Variants in MSRA observed in about 807,000 individuals in gnomAD.
MSRA encodes methionine sulfoxide reductase A.
Under a neutral mutation model 31.3 loss-of-function variants are expected in MSRA, and 54 were observed. The ratio of observed to expected loss-of-function variants is 1.73; its 90% CI spans 1.39 to 2.17. MSRA has a LOEUF of 2.17. Ranked by LOEUF, MSRA falls within the 30% of genes most tolerant of loss-of-function variation. The pLI is 0.00. For synonymous variants in MSRA, 169 were observed against 116.5 expected (o/e 1.45, Z -2.90); for missense variants, 507 against 300.9 (o/e 1.69, Z -5.07).
intron 1 of MSRA, among the ~76,000 whole-genome samples, chr8:10,147,799 G>C (rs980488519): frequency 6.6e-6 from 1 of 152,218 alleles, no homozygotes; most frequent in Admixed American, 6.5e-5. Context: ...CGTCCCAGGG[G>C]CTCGGAGACA....
chr8:10,211,684 T>G (rs1031803957), intron 2 of MSRA, among the ~76,000 whole-genome samples: 4 of 152,116 alleles, frequency 2.6e-5, no homozygotes, highest in African/African-American at 9.7e-5. Context: ...ACCCAGAGAT[T>G]AAAGAAACAT....
chr8:10,118,592 C>T (rs1236008198), intron 1 of MSRA, among the ~76,000 whole-genome samples: 1 of 152,128 alleles, frequency 6.6e-6, no homozygotes, highest in Non-Finnish European at 1.5e-5. Flanking sequence ...TGGGTGTCCT[C>T]ATCTCCCACC....
At chr8:10,259,527 G>C (rs1267123089) in intron 3 of MSRA, among the ~76,000 whole-genome samples, 1 of 152,104 alleles carries the variant, frequency 6.6e-6, no homozygotes, top group Non-Finnish European at 1.5e-5. Flanking sequence ...CTGCTCCTGT[G>C]GCTGGGGGTG....
At chr8:10,131,571 T>C (rs1014937995) in intron 1 of MSRA, among the ~76,000 whole-genome samples, 1 of 152,210 alleles carries the variant, frequency 6.6e-6, no homozygotes, top group Non-Finnish European at 1.5e-5. Context: ...GATTTACTGC[T>C]CGTTAATGAA....
At chr8:10,093,221 C>G (rs1202636225) in intron 1 of MSRA, among the ~76,000 whole-genome samples, 2 of 152,016 alleles carry the variant, frequency 1.3e-5, no homozygotes, top group Non-Finnish European at 2.9e-5. Context: ...TTTACTTATG[C>G]TATTGGGCTA....
chr8:10,201,697 A>G (rs1281009886), intron 1 of MSRA, among the ~76,000 whole-genome samples: 1 of 152,266 alleles, frequency 6.6e-6, no homozygotes, highest in Non-Finnish European at 1.5e-5. Context: ...TGTCAGTATC[A>G]TCTTCTTAAG....
intron 4 of MSRA, among the ~76,000 whole-genome samples, chr8:10,303,235 T>G (rs140150123): frequency 1.3e-5 from 2 of 152,372 alleles, no homozygotes; most frequent in East Asian, 3.9e-4. Flanking sequence ...TAGAATCTCC[T>G]TAGGCTTAGG....
chr8:10,137,266 T>G (rs1802352901), intron 1 of MSRA, among the ~76,000 whole-genome samples: 1 of 152,230 alleles, frequency 6.6e-6, no homozygotes, highest in Non-Finnish European at 1.5e-5. Flanking sequence ...AAAAAATTGG[T>G]TTTCTGCATT....
At chr8:10,384,024 TC>T (rs1806235349) in intron 5 of MSRA, among the ~76,000 whole-genome samples, 1 of 152,108 alleles carries the variant, frequency 6.6e-6, no homozygotes, top group African/African-American at 2.4e-5. Flanking sequence ...CACCCCGAAA[TC>T]CGTGACTCTG....
At chr8:10,297,091 C>G (rs914723148) in intron 3 of MSRA, among the ~76,000 whole-genome samples, 1 of 152,116 alleles carries the variant, frequency 6.6e-6, no homozygotes, top group Non-Finnish European at 1.5e-5. Context: ...TCGGGGTTCT[C>G]TTTAAAGGCA....
At chr8:10,267,500 G>A (rs1397019905) in intron 3 of MSRA, among the ~76,000 whole-genome samples, 3 of 152,098 alleles carry the variant, frequency 2.0e-5, no homozygotes, top group South Asian at 2.1e-4. Context: ...ATTGACTGTG[G>A]TATATGGCTC....
chr8:10,399,281 T>C (rs2129183126), intron 5 of MSRA, among the ~76,000 whole-genome samples: 1 of 152,200 alleles, frequency 6.6e-6, no homozygotes, highest in East Asian at 1.9e-4. Flanking sequence ...TGGTCTACTG[T>C]AGTAAGTGTC....
intron 1 of MSRA, among the ~76,000 whole-genome samples, chr8:10,121,904 C>T (rs1301373796): frequency 6.6e-6 from 1 of 151,286 alleles, no homozygotes; most frequent in Non-Finnish European, 1.5e-5. Context: ...TGGTCTGAAA[C>T]TCTTGGCCTC....
At chr8:10,061,536 C>G (rs1323116563) in intron 1 of MSRA, among the ~76,000 whole-genome samples, 5 of 152,196 alleles carry the variant, frequency 3.3e-5, no homozygotes, top group African/African-American at 1.2e-4. Flanking sequence ...CTCGCACAAT[C>G]TGTCTCATCT....
chr8:10,369,789 T>C (rs968169261), intron 5 of MSRA, among the ~76,000 whole-genome samples: 6 of 152,244 alleles, frequency 3.9e-5, no homozygotes, highest in African/African-American at 1.4e-4. Context: ...AAATACTCTT[T>C]AAAAACAGTC....
chr8:10,255,049 G>C (rs1366143545), intron 3 of MSRA, among the ~76,000 whole-genome samples: 1 of 152,246 alleles, frequency 6.6e-6, no homozygotes, highest in Non-Finnish European at 1.5e-5. Context: ...CAGTGTGCAA[G>C]ATGCTGTGAT....
rs568925534 is a variant in MSRA, at chr8:10,074,682, A to G, written c.142+20024A>G. 4.0e-5 allele frequency among the ~76,000 whole-genome samples: 6 copies of G among 151,292 alleles called. No homozygotes were observed. In the East Asian group the frequency reaches 1.2e-3, roughly 30 times the overall value. ...TTTCTTTTCTTTTCTTTTTTTTGAC[A>G]CAGTCTTGCTCTGTTGCTGAGGCTG... On this transcript the variant is annotated intron_variant, in intron 1 of 5. Transcript: ENST00000317173.
chr8:10,353,168 G>A (rs1804291750), intron 5 of MSRA, among the ~76,000 whole-genome samples: 1 of 152,196 alleles, frequency 6.6e-6, no homozygotes, highest in Admixed American at 6.5e-5. Context: ...AAAGAATTGT[G>A]AGGCAAAGCA....
At chr8:10,238,932 A>G (rs927568910) in intron 2 of MSRA, among the ~76,000 whole-genome samples, 3 of 152,214 alleles carry the variant, frequency 2.0e-5, no homozygotes, top group East Asian at 1.9e-4. Context: ...AAACATCTGT[A>G]TGACAATAGA....
Sources: allele counts gnomAD v4.1 joint callset (sites outside exome capture counted in the v4.1 genomes callset), GRCh38; gene constraint gnomAD v4.1.1; transcripts MANE v1.5; gene names NCBI Gene and HGNC (gene_info 2026-07-23, HGNC 2026-07-21).